VAV2: variants seen among roughly 807,000 people sequenced by gnomAD.
VAV2 encodes the protein vav guanine nucleotide exchange factor 2.
Under a neutral mutation model 132.5 loss-of-function variants are expected in VAV2, and 67 were observed. The ratio of observed to expected loss-of-function variants is 0.51; its 90% CI spans 0.42 to 0.62. The LOEUF (loss-of-function observed/expected upper bound fraction) is 0.62. Ranked by LOEUF, VAV2 falls within the 20% of genes least tolerant of loss-of-function variation. VAV2 has a pLI of 0.00. For synonymous variants in VAV2, 492 were observed against 443.5 expected, an observed-to-expected ratio of 1.11 and a Z score of -1.37; for missense variants, 938 against 1,153.6, an observed-to-expected ratio of 0.81 and a Z score of 2.71.
At chr9:133,939,406 G>A (rs114340339) in intron 1 of VAV2, 187 bp from the exon 2 acceptor site, 9 of 628,858 alleles carry the variant, frequency 1.4e-5, no homozygotes, top group African/African-American at 3.7e-5. Flanking sequence ...AGGCTGGGGG[G>A]TGAGAAGCCA....
In VAV2 at chr9:133,824,483, T is replaced by C. The variant is rs1442308251; in HGVS notation, c.449+9789A>G. On this transcript the variant is annotated intron_variant, in intron 4 of 29. Transcript: ENST00000371850. This position sits in a 1 kb window ranked among gnomAD's most constrained non-coding sequence, Gnocchi z 5.2. ...CCCCAGCCCAAAACAAGGTAGTGAC[T>C]GGCCTGGCACAGGGGGTAAGAGCAG... Among the ~76,000 whole-genome samples, 1 of 152,248 alleles carries C rather than the reference T, an allele frequency of 6.6e-6. No homozygotes were observed. The highest frequency in any genetic ancestry group is 1.9e-4 in the East Asian group (1 of 5,180).
At chr9:133,764,151 T>C (rs771247930) in intron 29 of VAV2, 42 bp from the exon 30 acceptor site, 2 of 1,612,772 alleles carry the variant, frequency 1.2e-6, no homozygotes, top group South Asian at 2.2e-5. Context: ...TGTGTGTGTG[T>C]GTGTAAGCAG....
rs1302001837 is a variant in VAV2 at position 133,933,323 on chromosome 9, G to A, written c.321+5780C>T. Reference sequence around the variant, plus strand: ...GGGTCCCTGTGAGGGCAAAGACTACGTGAGTCTCCTCATTTTAACTCCAGC... The same window carrying A: ...GGGTCCCTGTGAGGGCAAAGACTACATGAGTCTCCTCATTTTAACTCCAGC... On this transcript the variant is annotated intron_variant, in intron 2 of 29. Transcript: ENST00000371850. Among the ~76,000 whole-genome samples the A allele has an allele frequency of 8.5e-5, 13 of 152,388 alleles. No homozygotes were observed. The East Asian group carries it at 1.5e-3, about 18-fold the overall frequency.
intron 2 of VAV2, among the ~76,000 whole-genome samples, chr9:133,923,943 A>G (rs1479460551): frequency 6.6e-6 from 1 of 151,880 alleles, no homozygotes; most frequent in Non-Finnish European, 1.5e-5. Context: ...TTGAACAATG[A>G]GAACACTTGG....
intron 1 of VAV2, among the ~76,000 whole-genome samples, chr9:133,982,009 A>G (rs1458697490): frequency 1.3e-5 from 2 of 152,268 alleles, no homozygotes; most frequent in African/African-American, 2.4e-5. Flanking sequence ...CAAATGGAAC[A>G]GTAAATGCAA....
chr9:133,767,541 G>A (rs553622471), intron 29 of VAV2, among the ~76,000 whole-genome samples: 1 of 152,224 alleles, frequency 6.6e-6, no homozygotes, highest in East Asian at 1.9e-4. Flanking sequence ...AATCACACAA[G>A]GACCACTTTG....
chr9:133,795,454 C>A (rs1305908396), intron 12 of VAV2, among the ~76,000 whole-genome samples: 1 of 152,052 alleles, frequency 6.6e-6, no homozygotes, highest in East Asian at 1.9e-4. Flanking sequence ...ACTCGGGACA[C>A]CTGAGGGGGC....
intron 10 of VAV2, 61 bp from the exon 11 acceptor site, chr9:133,796,585 T>C (rs1834724844): frequency 6.8e-7 from 1 of 1,476,308 alleles, no homozygotes; most frequent in Non-Finnish European, 9.2e-7. Flanking sequence ...CCCACCCACC[T>C]GTACCCCCGC....
At chr9:133,902,472 C>G (rs1839482381) in intron 2 of VAV2, among the ~76,000 whole-genome samples, 1 of 152,218 alleles carries the variant, frequency 6.6e-6, no homozygotes, top group Admixed American at 6.5e-5. Context: ...TTTCTGTTCT[C>G]CCAGAGCTCC....
intron 3 of VAV2, among the ~76,000 whole-genome samples, chr9:133,855,137 A>G (rs1027353149): frequency 1.3e-5 from 2 of 152,242 alleles, no homozygotes; most frequent in African/African-American, 4.8e-5. Flanking sequence ...CAGGAGCCAC[A>G]GCAATGTCTT....
At chr9:133,893,056 G>C (rs1177719883) in intron 2 of VAV2, among the ~76,000 whole-genome samples, 1 of 152,226 alleles carries the variant, frequency 6.6e-6, no homozygotes, top group Admixed American at 6.5e-5. Context: ...ACGCAGTAAG[G>C]CGGACTCAGC....
rs1842256365 is a variant in VAV2, at chr9:133,969,504, C to T, written c.204+22571G>A. On this transcript the variant is annotated intron_variant, in intron 1 of 29. Transcript: ENST00000371850. This position sits in a 1 kb window ranked among gnomAD's most constrained non-coding sequence, Gnocchi z 5.1. Reference sequence around the variant, plus strand: ...CTGAGACAAGAAGCCTGAGGCCAACCAGGGAACCTCAGGGGTGGAGCTGAA... The same window carrying T: ...CTGAGACAAGAAGCCTGAGGCCAACTAGGGAACCTCAGGGGTGGAGCTGAA... 6.6e-6 allele frequency among the ~76,000 whole-genome samples: 1 copy of T among 152,146 alleles called. No homozygotes were observed. The highest frequency in any genetic ancestry group is 1.5e-5 in the Non-Finnish European group (1 of 67,986).
chr9:133,772,099 G>C, intron 25 of VAV2, 53 bp from the exon 26 acceptor site: 1 of 1,483,332 alleles, frequency 6.7e-7, no homozygotes, highest in South Asian at 1.1e-5. Flanking sequence ...CACGGCCCCG[G>C]CCCCCTTGGC....
intron 1 of VAV2, among the ~76,000 whole-genome samples, chr9:133,980,528 T>A (rs1165972759): frequency 2.0e-5 from 3 of 152,210 alleles, no homozygotes; most frequent in African/African-American, 7.2e-5. Flanking sequence ...CCGCAGAGGC[T>A]GATCATCACC....
chr9:133,929,011 A>T (rs2486357), intron 2 of VAV2, among the ~76,000 whole-genome samples: 131,376 of 152,198 alleles, frequency 0.86, 57,800 homozygotes, highest in East Asian at 0.97. Flanking sequence ...GCCCATGAAA[A>T]CAGGCAGCGG....
intron 2 of VAV2, among the ~76,000 whole-genome samples, chr9:133,886,729 AC>A (rs1838725913): frequency 6.6e-6 from 1 of 152,188 alleles, no homozygotes; most frequent in African/African-American, 2.4e-5. Flanking sequence ...CGCTGGCAAC[AC>A]CCACGTCCAG....
intron 2 of VAV2, among the ~76,000 whole-genome samples, chr9:133,905,194 C>T (rs1839596410): frequency 6.6e-6 from 1 of 151,888 alleles, no homozygotes; most frequent in African/African-American, 2.4e-5. Context: ...TTCGGAAGGC[C>T]AAGGCGGGTG....
chr9:133,976,388 C>G (rs938796877), intron 1 of VAV2, among the ~76,000 whole-genome samples: 6 of 152,110 alleles, frequency 3.9e-5, no homozygotes, highest in Non-Finnish European at 8.8e-5. Context: ...GTCCCCCCAG[C>G]CCCGCCCAGC....
chr9:133,920,134 C>T (rs977957606), intron 2 of VAV2, among the ~76,000 whole-genome samples: 1 of 152,084 alleles, frequency 6.6e-6, no homozygotes, highest in African/African-American at 2.4e-5. Flanking sequence ...ATGCAGCCAG[C>T]AGACAGCTCA....
Sources: gnomAD v4.1 joint callset for allele counts (sites outside exome capture counted in the v4.1 genomes callset) on GRCh38, gnomAD v4.1.1 for gene constraint, Gnocchi (gnomAD v3.1) non-coding constraint, MANE v1.5 for transcripts, NCBI Gene and HGNC (gene_info 2026-07-23, HGNC 2026-07-21) for gene names.